Variants in CDH12 observed in about 807,000 individuals in gnomAD.
CDH12 encodes the protein cadherin-12.
Under a neutral mutation model 74.1 loss-of-function variants are expected in CDH12, and 41 were observed. That is an observed-to-expected ratio of 0.55 (90% confidence interval 0.43 to 0.72). The LOEUF is 0.72. Among genes scored for constraint, CDH12 ranks in the 30% least tolerant of loss-of-function variants. The pLI, the probability that CDH12 is intolerant of heterozygous loss-of-function variation, is 0.00. For synonymous variants in CDH12, 399 were observed against 355.0 expected, an observed-to-expected ratio of 1.12 and a Z score of -1.39; for missense variants, 945 against 977.2, an observed-to-expected ratio of 0.97 and a Z score of 0.44.
chr5:22,522,055 G>A (rs551556316), intron 1 of CDH12, among the ~76,000 whole-genome samples: 1 of 152,186 alleles, frequency 6.6e-6, no homozygotes, highest in Non-Finnish European at 1.5e-5. Context: ...TTATGTTTCT[G>A]ATTATTTCTC....
At chr5:22,328,434 T>C (rs1266435757) in intron 3 of CDH12, among the ~76,000 whole-genome samples, 1 of 152,222 alleles carries the variant, frequency 6.6e-6, no homozygotes, top group Non-Finnish European at 1.5e-5. Context: ...GTATGTGTCG[T>C]TCCAGAGAGC....
chr5:22,210,749 G>A (rs544021101), intron 4 of CDH12, among the ~76,000 whole-genome samples: 6,582 of 151,586 alleles, frequency 0.043, 478 homozygotes, highest in African/African-American at 0.15. Flanking sequence ...GGATAGAGAT[G>A]TTTTCAGCGA....
chr5:22,374,211 G>A (rs1596487), intron 3 of CDH12, among the ~76,000 whole-genome samples: 10,989 of 151,830 alleles, frequency 0.072, 455 homozygotes, highest in South Asian at 0.16. Context: ...GGCAAAAACC[G>A]TATGATCACC....
intron 3 of CDH12, among the ~76,000 whole-genome samples, chr5:22,390,036 C>G (rs948428299): frequency 2.0e-5 from 3 of 151,808 alleles, no homozygotes; most frequent in Admixed American, 1.3e-4. Context: ...CACACACACA[C>G]ATGCACGCAC....
At chr5:22,489,690 C>CT (rs753962922) in intron 2 of CDH12, among the ~76,000 whole-genome samples, 9,017 of 120,514 alleles carry the variant, frequency 0.075, 448 homozygotes, top group East Asian at 0.17. Context: ...TGCAGTGTAA[C>CT]TTTTTTTTTT....
At position 21,752,197 on chromosome 5, in the gene CDH12, T is replaced by C; in HGVS notation, c.1925A>G (p.Lys642Arg). 6.2e-7 allele frequency: 1 copy of C among 1,613,852 alleles called. No individual in the cohort carries two copies. The highest frequency in any genetic ancestry group is 1.3e-5 in the African/African-American group (1 of 74,982). The change falls in exon 15 of 15, where the codon AAA (lysine) becomes AGA (arginine). Residue 642 changes from lysine to arginine, a missense_variant. Physicochemically the swap from Lys to Arg is conservative, Grantham distance 26. Transcript: ENST00000382254. ...VLYVALRRQKKKDTLMTSKED... is the reference protein window; with the variant it reads ...VLYVALRRQKRKDTLMTSKED... ...TTTAGAGGTCATCAGGGTGTCTTTTTTCTTCTGCCTTCGCAGTGCTACATA... is the reference window on the plus strand; with the variant it reads ...TTTAGAGGTCATCAGGGTGTCTTTTCTCTTCTGCCTTCGCAGTGCTACATA...
intron 3 of CDH12, among the ~76,000 whole-genome samples, chr5:22,238,720 A>G (rs1238726589): frequency 6.6e-6 from 1 of 152,214 alleles, no homozygotes; most frequent in Non-Finnish European, 1.5e-5. Flanking sequence ...TCCAGGAGGA[A>G]TGCATGCATT....
intron 6 of CDH12, among the ~76,000 whole-genome samples, chr5:21,913,047 T>C (rs1753932333): frequency 6.6e-6 from 1 of 152,174 alleles, no homozygotes; most frequent in East Asian, 1.9e-4. Flanking sequence ...TTTACCATGT[T>C]GGCCAGACTG....
At chr5:22,079,019 C>T (rs1330534869) in intron 4 of CDH12, among the ~76,000 whole-genome samples, 157 bp from the exon 5 acceptor site, 1 of 152,072 alleles carries the variant, frequency 6.6e-6, no homozygotes, top group Non-Finnish European at 1.5e-5. Context: ...AACATTTTAA[C>T]TTGGATAAAT....
chr5:21,981,999 A>G (rs1757326556), intron 5 of CDH12, among the ~76,000 whole-genome samples: 1 of 152,128 alleles, frequency 6.6e-6, no homozygotes, highest in African/African-American at 2.4e-5. Context: ...AATAAGCCTG[A>G]TAGTTAATTT....
intron 3 of CDH12, among the ~76,000 whole-genome samples, chr5:22,292,788 A>C (rs932288581): frequency 6.6e-6 from 1 of 152,164 alleles, no homozygotes; most frequent in African/African-American, 2.4e-5. Flanking sequence ...ATCCTAATGC[A>C]CTGTTGGTGG....
intron 11 of CDH12, among the ~76,000 whole-genome samples, chr5:21,765,701 C>T (rs562203259): frequency 6.6e-6 from 1 of 152,226 alleles, no homozygotes; most frequent in South Asian, 2.1e-4. Context: ...TATGCAATAA[C>T]TTACTTCTTC....
intron 4 of CDH12, among the ~76,000 whole-genome samples, chr5:22,156,536 C>A (rs983764464): frequency 1.3e-5 from 2 of 151,814 alleles, no homozygotes; most frequent in African/African-American, 4.8e-5. Flanking sequence ...TATTTGCTGT[C>A]TTTAAATCAT....
At chr5:22,188,842 G>C (rs1750111185) in intron 4 of CDH12, among the ~76,000 whole-genome samples, 1 of 152,172 alleles carries the variant, frequency 6.6e-6, no homozygotes, top group Non-Finnish European at 1.5e-5. Flanking sequence ...GTTCTGTGCT[G>C]CATCAAGAGG....
At chr5:22,031,626 A>C (rs1382733750) in intron 5 of CDH12, among the ~76,000 whole-genome samples, 1 of 152,192 alleles carries the variant, frequency 6.6e-6, no homozygotes, top group Non-Finnish European at 1.5e-5. Context: ...GAGAAACATG[A>C]AACTCTTTCT....
intron 3 of CDH12, among the ~76,000 whole-genome samples, chr5:22,226,044 G>A (rs935790971): frequency 6.6e-6 from 1 of 151,820 alleles, no homozygotes; most frequent in Non-Finnish European, 1.5e-5. Flanking sequence ...GAAGCTAGAC[G>A]CCCCCTTTAG....
chr5:22,778,291 A>G (rs1747206735), intron 1 of CDH12, among the ~76,000 whole-genome samples: 1 of 152,196 alleles, frequency 6.6e-6, no homozygotes, highest in African/African-American at 2.4e-5. Context: ...TAATCAACAC[A>G]TTGTAAAAGT....
chr5:21,901,578 C>T (rs899353794), intron 6 of CDH12, among the ~76,000 whole-genome samples: 8 of 152,170 alleles, frequency 5.3e-5, no homozygotes, highest in Non-Finnish European at 1.2e-4. Flanking sequence ...TTTCTGATTT[C>T]ATACCTGCAT....
chr5:21,835,980 CAT>C (rs1052056392), intron 8 of CDH12, among the ~76,000 whole-genome samples: 5 of 151,602 alleles, frequency 3.3e-5, no homozygotes, highest in African/African-American at 1.2e-4. Flanking sequence ...AGCATATAGA[CAT>C]ATATATGTGT....
Sources: gnomAD v4.1 joint callset for allele counts (sites outside exome capture counted in the v4.1 genomes callset) on GRCh38, gnomAD v4.1.1 for gene constraint, MANE v1.5 for transcripts, NCBI Gene and HGNC (gene_info 2026-07-23, HGNC 2026-07-21) for gene names.